Variants in IQSEC3 observed in about 807,000 individuals in gnomAD.
IQSEC3 encodes the protein IQ motif and Sec7 domain ArfGEF 3.
IQSEC3 carries 50 observed loss-of-function variants against 105.4 expected under a neutral mutation model. The ratio of observed to expected loss-of-function variants is 0.47; its 90% confidence interval spans 0.38 to 0.60. IQSEC3 has a LOEUF of 0.60. IQSEC3 is among the 20% of genes least tolerant of loss of function. The probability of loss-of-function intolerance (pLI) is 0.00; values close to 1 mark genes in which losing one functional copy is unlikely to be tolerated. For synonymous variants in IQSEC3, 708 were observed against 746.0 expected, an observed-to-expected ratio of 0.95 and a Z score of 0.83; for missense variants, 1,415 against 1,630.0, an observed-to-expected ratio of 0.87 and a Z score of 2.27.
intron 5 of IQSEC3, 60 bp downstream of exon 5, chr12:141,345 C>T (rs1437452959): frequency 6.5e-7 from 1 of 1,549,744 alleles, no homozygotes; most frequent in Admixed American, 1.7e-5. Context: ...TGCCCGGGCT[C>T]TCTCTGTGAG....
intron 1 of IQSEC3, among the ~76,000 whole-genome samples, chr12:98,691 A>G (rs883813): frequency 0.58 from 88,048 of 152,166 alleles, 26,710 homozygotes; most frequent in Non-Finnish European, 0.67. Context: ...GTATCTTTGT[A>G]TATGATCAGC....
In IQSEC3 at chr12:139,357, A is replaced by G. The variant is rs782456469; in HGVS notation, c.1991+3A>G. On this transcript the variant is annotated splice_donor_region_variant and intron_variant, in intron 4 of 13. Transcript: ENST00000538872. ...ATCGGCCTCAACCTCTTCAACATGTAAGTCAGCCCCGGCCCCCAGCCCGGA... is the reference window on the plus strand; with the variant it reads ...ATCGGCCTCAACCTCTTCAACATGTGAGTCAGCCCCGGCCCCCAGCCCGGA... 6.5e-7 allele frequency: 1 copy of G among 1,541,076 alleles called. No individual in the cohort carries two copies. The highest frequency in any genetic ancestry group is 8.8e-7 in the Non-Finnish European group (1 of 1,138,944).
At chr12:147,094 T>C (rs76264685) in intron 5 of IQSEC3, among the ~76,000 whole-genome samples, 4,401 of 152,320 alleles carry the variant, frequency 0.029, 67 homozygotes, top group South Asian at 0.049. Flanking sequence ...TGGACCTACC[T>C]GCCACCCAGT....
intron 1 of IQSEC3, among the ~76,000 whole-genome samples, chr12:96,565 G>A (rs1235330372): frequency 6.6e-6 from 1 of 152,180 alleles, no homozygotes; most frequent in Non-Finnish European, 1.5e-5. Context: ...CTGTAAAATA[G>A]TTCAGTTTCT....
chr12:90,609 C>A (rs1864053798), intron 1 of IQSEC3, among the ~76,000 whole-genome samples: 1 of 152,060 alleles, frequency 6.6e-6, no homozygotes, highest in Admixed American at 6.5e-5. Flanking sequence ...TGCCTTGGTA[C>A]TTTTACCAAG....
rs1036315570 is a variant in IQSEC3 at position 139,253 on chromosome 12, G to A, written c.1890G>A (p.Pro630=). 1.2e-5 allele frequency: 19 copies of A among 1,609,452 alleles called. No homozygotes were observed. Among genetic ancestry groups the A allele is most frequent in the African/African-American group, 2.7e-5 (2 of 74,830 alleles). The change falls in exon 4 of 14, where the codon CCG becomes CCA. Residue 630 remains proline (P), a synonymous_variant. Transcript: ENST00000538872. ...TGCAGGCCATGATCCTGAGCCTGCC[G>A]CGCTACCACTGCGAGAACCCAGCCA... ...DALQAMILSL[P]RYHCENPASC... is the part of the protein sequence containing the mutation.
At chr12:156,069 C>T (rs984706129) in intron 5 of IQSEC3, among the ~76,000 whole-genome samples, 1 of 152,136 alleles carries the variant, frequency 6.6e-6, no homozygotes, top group Non-Finnish European at 1.5e-5. Context: ...TGGGAGGGTT[C>T]GGCCTCAGAC....
At chr12:80,717 A>G (rs1863715678) in intron 1 of IQSEC3, among the ~76,000 whole-genome samples, 3 of 152,234 alleles carry the variant, frequency 2.0e-5, no homozygotes, top group Admixed American at 2.0e-4. Context: ...GAAAACTTAT[A>G]GTGCATCTGA....
intron 2 of IQSEC3, among the ~76,000 whole-genome samples, chr12:118,649 C>T (rs1008253842): frequency 1.3e-5 from 2 of 150,856 alleles, no homozygotes; most frequent in Non-Finnish European, 3.0e-5. Flanking sequence ...AGGAGAACAG[C>T]CCTCAAGCTC....
Position 138,527 on chromosome 12 carries a change from G to T in IQSEC3, c.1164G>T (p.Pro388=). ...GLPLVRSPSL[P]PTFAGTLTEL... is the part of the protein sequence containing the mutation. The stretch of plus-strand genomic sequence containing the variant: ...CGCTGGTGCGCTCGCCCTCCCTGCC[G>T]CCCACCTTCGCAGGCACCCTCACCG... The change falls in exon 4 of 14, where the codon CCG becomes CCT. Residue 388 remains proline (P), a synonymous_variant. Coordinates refer to ENST00000538872, the MANE Select transcript of IQSEC3 (RefSeq NM_001170738.2). The surrounding 1 kb of genome is among the most constrained non-coding windows in gnomAD (Gnocchi z 7.1). 6.3e-7 allele frequency: 1 copy of T among 1,577,064 alleles called. No individual in the cohort carries two copies. The highest frequency in any genetic ancestry group is 8.6e-7 in the Non-Finnish European group (1 of 1,168,502).
chr12:102,783 G>T (rs1440831018), intron 2 of IQSEC3, among the ~76,000 whole-genome samples: 1 of 152,208 alleles, frequency 6.6e-6, no homozygotes, highest in Non-Finnish European at 1.5e-5. Flanking sequence ...GGAAGCGTGG[G>T]TGTCTGCAAA....
intron 3 of IQSEC3, among the ~76,000 whole-genome samples, chr12:126,798 G>C (rs534438043): frequency 6.6e-6 from 1 of 152,296 alleles, no homozygotes; most frequent in Non-Finnish European, 1.5e-5. Context: ...AGGTTCTAGA[G>C]AACAATTCTT....
Position 132,582 on chromosome 12 carries a change from T to C in IQSEC3, c.904-5685T>C, listed in dbSNP as rs545673588. ...TGACATTCTGGAAGGATATCATGGA[T>C]GATTGCAAAAGGTATAGGGGTGGGG... On this transcript the variant is annotated intron_variant, in intron 3 of 13. Transcript: ENST00000538872. Among the ~76,000 whole-genome samples the C allele has an allele frequency of 5.3e-5, 8 of 151,984 alleles. No individual in the cohort carries two copies. In the South Asian group the frequency reaches 1.7e-3, roughly 32 times the overall value.
intron 1 of IQSEC3, among the ~76,000 whole-genome samples, chr12:69,896 GAGCCAGC>G (rs1184489383): frequency 1.3e-5 from 2 of 152,278 alleles, no homozygotes; most frequent in African/African-American, 4.8e-5. Flanking sequence ...GGACAAGATG[GAGCCAGC>G]AGGCAGACAG....
At chr12:118,435 G>A (rs541264712) in intron 2 of IQSEC3, among the ~76,000 whole-genome samples, 1 of 151,096 alleles carries the variant, frequency 6.6e-6, no homozygotes, top group South Asian at 2.1e-4. Context: ...TTGAGGGGAC[G>A]TGACGCATGT....
rs540748542 is a variant in IQSEC3 at position 175,678 on chromosome 12, G to A, written c.*645G>A. 1.3e-4 allele frequency: 20 copies of A among 152,364 alleles called. No homozygotes were observed. The highest frequency in any genetic ancestry group is 2.3e-4 in the Non-Finnish European group (16 of 68,138). The allele number at this position is 152,364 out of a possible 1,614,324, so 9.4% of individuals were successfully genotyped here. A position where few individuals can be genotyped will look rare whatever the true frequency, so the allele number is the denominator to read the frequency against. On this transcript the variant is annotated 3_prime_UTR_variant, in exon 14 of 14. Transcript: ENST00000538872. ...TCCCAGGGCCTCTGCTTCCTCAGGA[G>A]CTGCCCAGACTCCAGAAAAGCCTGG...
At chr12:107,683 T>C (rs1434031881) in intron 2 of IQSEC3, among the ~76,000 whole-genome samples, 1 of 152,280 alleles carries the variant, frequency 6.6e-6, no homozygotes, top group African/African-American at 2.4e-5. Context: ...GTGCTGGGAT[T>C]ACAGGCGTGA....
At chr12:171,218 C>T in intron 13 of IQSEC3, 57 bp downstream of exon 13, 1 of 1,613,754 alleles carries the variant, frequency 6.2e-7, no homozygotes, top group Non-Finnish European at 8.5e-7. Context: ...TGTTCTTCTT[C>T]TCACCGTCTC....
At chr12:143,938 G>A (rs1443832962) in intron 5 of IQSEC3, 1 of 154,744 alleles carries the variant, frequency 6.5e-6, no homozygotes, top group African/African-American at 2.4e-5. Context: ...AGAAGCAGGA[G>A]CATGGAAAGA....
Sources: allele counts gnomAD v4.1 joint callset (sites outside exome capture counted in the v4.1 genomes callset), GRCh38; gene constraint gnomAD v4.1.1; non-coding constraint Gnocchi (gnomAD v3.1); transcripts MANE v1.5; gene names NCBI Gene and HGNC (gene_info 2026-07-23, HGNC 2026-07-21).